Variants in TDRD1 observed in about 807,000 individuals in gnomAD.
The protein encoded by TDRD1 is tudor domain containing 1, also known as tudor domain-containing protein 1.
TDRD1 carries 37 observed loss-of-function variants against 140.6 expected under a neutral mutation model. The observed-to-expected ratio is 0.26, with a 90% CI of 0.20 to 0.35. The LOEUF (loss-of-function observed/expected upper bound fraction) is 0.35. Among genes scored for constraint, TDRD1 ranks in the 10% least tolerant of loss-of-function variants. The pLI is 1.00. For synonymous variants in TDRD1, 506 were observed against 475.7 expected, an observed-to-expected ratio of 1.06 and a Z score of -0.83; for missense variants, 1,243 against 1,393.0, an observed-to-expected ratio of 0.89 and a Z score of 1.71.
At chr10:114,198,353 G>A (rs576781141) in intron 3 of TDRD1, among the ~76,000 whole-genome samples, 2 of 152,274 alleles carry the variant, frequency 1.3e-5, no homozygotes, top group African/African-American at 2.4e-5. Context: ...GTGGAAATCC[G>A]GGTTCCCCAT....
chr10:114,192,582 A>C (rs1486702336), intron 3 of TDRD1, among the ~76,000 whole-genome samples: 1 of 152,086 alleles, frequency 6.6e-6, no homozygotes, highest in Admixed American at 6.5e-5. Context: ...CTAGGATTAC[A>C]GGCGTGAGCC....
intron 16 of TDRD1, 21 bp from the exon 17 acceptor site, chr10:114,217,524 T>G: frequency 7.9e-7 from 1 of 1,273,522 alleles, no homozygotes; most frequent in East Asian, 2.5e-5. Context: ...CTTAATTTTT[T>G]AATCCTATGT....
exon 4 of TDRD1, chr10:114,199,247 T>G: frequency 6.2e-7 from 1 of 1,614,112 alleles, no homozygotes; most frequent in South Asian, 1.1e-5. Flanking sequence ...TGTCCATAAG[T>G]AATCCAGGGC....
At chr10:114,198,368 C>CCTCCGTAGTGGT (rs1250900852) in intron 3 of TDRD1, among the ~76,000 whole-genome samples, 1 of 152,202 alleles carries the variant, frequency 6.6e-6, no homozygotes, top group African/African-American at 2.4e-5. Context: ...CCCCATGTGG[C>CCTCCGTAGTGGT]CTCCGTAGGG....
chr10:114,209,029 G>A (rs530238570), intron 11 of TDRD1, among the ~76,000 whole-genome samples: 11 of 151,982 alleles, frequency 7.2e-5, no homozygotes, highest in Admixed American at 2.0e-4. Flanking sequence ...TGAACTGCCC[G>A]CCTCGGCCTC....
chr10:114,212,140 T>C, intron 14 of TDRD1, 104 bp downstream of exon 14: 1 of 1,008,856 alleles, frequency 9.9e-7, no homozygotes, highest in Non-Finnish European at 1.4e-6. Context: ...AACAACATCA[T>C]GATCAGATGC....
chr10:114,194,793 C>T, intron 3 of TDRD1, among the ~76,000 whole-genome samples: 2 of 146,240 alleles, frequency 1.4e-5, no homozygotes, highest in Non-Finnish European at 1.5e-5. Flanking sequence ...AGGTCTCCCT[C>T]TGTCATCCAG....
intron 11 of TDRD1, among the ~76,000 whole-genome samples, chr10:114,209,593 A>G (rs2035350386): frequency 6.6e-6 from 1 of 152,196 alleles, no homozygotes; most frequent in Non-Finnish European, 1.5e-5. Context: ...TACTTTGGCT[A>G]CTGTTTTGAG....
intron 1 of TDRD1, among the ~76,000 whole-genome samples, chr10:114,186,866 T>G (rs1307046046): frequency 6.6e-6 from 1 of 152,222 alleles, no homozygotes; most frequent in African/African-American, 2.4e-5. Context: ...AATGAGATAA[T>G]AAGTTGTAGG....
upstream of TDRD1, among the ~76,000 whole-genome samples, chr10:114,178,710 T>A (rs1478469136): frequency 6.6e-6 from 1 of 152,176 alleles, no homozygotes; most frequent in African/African-American, 2.4e-5. Context: ...TTCGCTACTT[T>A]GTCTCACATT....
At chr10:114,203,976 C>T in intron 8 of TDRD1, 97 bp from the exon 9 acceptor site, 1 of 1,441,656 alleles carries the variant, frequency 6.9e-7, no homozygotes, top group Non-Finnish European at 9.4e-7. Flanking sequence ...GAACAGGAGC[C>T]TTTCCTTTGC....
chr10:114,228,410 G>A, intron 25 of TDRD1: 1 of 1,124,264 alleles, frequency 8.9e-7, no homozygotes, highest in Non-Finnish European at 1.1e-6. Flanking sequence ...TTATTGATAT[G>A]TGGAGGGACT....
upstream of TDRD1, among the ~76,000 whole-genome samples, chr10:114,178,903 TTTAAG>T (rs1002253203): frequency 2.6e-5 from 4 of 151,622 alleles, no homozygotes; most frequent in Admixed American, 6.6e-5. Context: ...AAAGCTTGTC[TTTAAG>T]TAACACCAAC....
intron 5 of TDRD1, among the ~76,000 whole-genome samples, chr10:114,201,993 T>TC (rs1439209259): frequency 6.6e-6 from 1 of 152,108 alleles, no homozygotes; most frequent in Non-Finnish European, 1.5e-5. Flanking sequence ...TCTGTCTGTC[T>TC]CCCCCCAACC....
chr10:114,189,518 T>G (rs1469272985), intron 2 of TDRD1, among the ~76,000 whole-genome samples: 1 of 152,222 alleles, frequency 6.6e-6, no homozygotes. Flanking sequence ...AGGAAACTTG[T>G]GTCTGCCACT....
At chr10:114,231,585 C>T (rs2036761199) in exon 26 of TDRD1, 2 of 1,322,158 alleles carry the variant, frequency 1.5e-6, no homozygotes, top group East Asian at 2.5e-5. Flanking sequence ...TTTATGAGAA[C>T]CTTTTCTTTG....
rs138035497 is a variant in TDRD1, at chr10:114,213,713, C to T, written c.2074+125C>T. The T allele has an allele frequency of 2.2e-3, 2,056 of 916,106 alleles. 7 individuals are homozygous for T. The highest frequency in any genetic ancestry group is 3.0e-3 in the Non-Finnish European group (1,807 of 610,138). 56.7% of individuals were successfully genotyped at this position (916,106 alleles called of 1,614,324 possible). Reference sequence around the variant, plus strand: ...CTTTCATCTTTTTAAATCAAGCATTCATCTAAATACTTGTAAGAATGTTTG... The same window carrying T: ...CTTTCATCTTTTTAAATCAAGCATTTATCTAAATACTTGTAAGAATGTTTG... On this transcript the variant is annotated intron_variant, in intron 15 of 25. Coordinates refer to ENST00000251864, the Ensembl canonical transcript of TDRD1.
chr10:114,195,732 T>C (rs2034297632), intron 3 of TDRD1, among the ~76,000 whole-genome samples: 1 of 152,234 alleles, frequency 6.6e-6, no homozygotes, highest in African/African-American at 2.4e-5. Context: ...GTTTTTTAAT[T>C]CACTAGGGCA....
At chr10:114,228,889 G>T in intron 25 of TDRD1, 1 of 545,398 alleles carries the variant, frequency 1.8e-6, no homozygotes, top group Non-Finnish European at 2.3e-6. Flanking sequence ...TTCGAAGTCA[G>T]CCTGGCCAAG....
Sources: allele counts gnomAD v4.1 joint callset (sites outside exome capture counted in the v4.1 genomes callset), GRCh38; gene constraint gnomAD v4.1.1; transcripts MANE v1.5; gene names NCBI Gene and HGNC (gene_info 2026-07-23, HGNC 2026-07-21).